Variants in CACNA1C observed in about 807,000 individuals in gnomAD.
CACNA1C encodes voltage-dependent L-type calcium channel subunit alpha-1C.
Under a neutral mutation model 229.0 loss-of-function variants are expected in CACNA1C, and 30 were observed. That is an observed-to-expected ratio of 0.13 (90% CI 0.10 to 0.18). The LOEUF (loss-of-function observed/expected upper bound fraction) is 0.18. Among genes scored for constraint, CACNA1C ranks in the 10% least tolerant of loss-of-function variants. CACNA1C has a pLI of 1.00. For missense variants in CACNA1C, 1,658 were observed against 2,845.0 expected (o/e 0.58, Z 9.49); for synonymous variants, 1,114 against 1,132.5 (o/e 0.98, Z 0.33).
intron 1 of CACNA1C, among the ~76,000 whole-genome samples, chr12:1,983,032 A>T (rs1593048554): frequency 6.6e-6 from 1 of 151,736 alleles, no homozygotes; most frequent in East Asian, 1.9e-4. Flanking sequence ...AGTCCATTTC[A>T]TCTAAGTTGC....
chr12:2,147,835 C>T (rs2094864415), intron 3 of CACNA1C, among the ~76,000 whole-genome samples: 1 of 150,978 alleles, frequency 6.6e-6, no homozygotes, highest in Non-Finnish European at 1.5e-5. Flanking sequence ...AAAAACCCAC[C>T]TCTTCACACT....
intron 14 of CACNA1C, among the ~76,000 whole-genome samples, chr12:2,582,132 C>T (rs913142110): frequency 5.3e-5 from 8 of 150,022 alleles, no homozygotes; most frequent in Non-Finnish European, 8.8e-5. Context: ...AGCAAGACTC[C>T]GTCTCAAATA....
At chr12:2,055,645 G>C (rs1272504197) in intron 1 of CACNA1C, among the ~76,000 whole-genome samples, 1 of 152,204 alleles carries the variant, frequency 6.6e-6, no homozygotes. Context: ...GAGCAAGGGA[G>C]CCAGCGGCTG....
At chr12:2,433,739 G>A (rs1386873002) in intron 3 of CACNA1C, among the ~76,000 whole-genome samples, 3 of 152,056 alleles carry the variant, frequency 2.0e-5, no homozygotes, top group Admixed American at 6.6e-5. Context: ...CCTCCGTCTC[G>A]TTCCCACTGC....
At chr12:2,544,378 C>A (rs1239680772) in intron 9 of CACNA1C, among the ~76,000 whole-genome samples, 1 of 152,172 alleles carries the variant, frequency 6.6e-6, no homozygotes, top group Non-Finnish European at 1.5e-5. Flanking sequence ...ATTTGGGTTG[C>A]CCCTCCCCTC....
intron 26 of CACNA1C, 158 bp downstream of exon 26, chr12:2,607,288 A>T: frequency 1.5e-6 from 1 of 681,572 alleles, no homozygotes; most frequent in Non-Finnish European, 2.4e-6. Flanking sequence ...TAGAACTTAC[A>T]GTCCACTGTC....
At position 2,275,394 on chromosome 12, in the gene CACNA1C, G is replaced by A. The variant is rs532308770; in HGVS notation, c.477+154964G>A. Among the ~76,000 whole-genome samples, 1 of 152,236 alleles carries A rather than the reference G, an allele frequency of 6.6e-6. No homozygotes were observed. The highest frequency in any genetic ancestry group is 1.9e-4 in the East Asian group (1 of 5,166). On this transcript the variant is annotated intron_variant, in intron 3 of 46. Coordinates refer to ENST00000399655, the MANE Select transcript of CACNA1C (RefSeq NM_000719.7). The surrounding 1 kb of genome is among the most constrained non-coding windows in gnomAD (Gnocchi z 4.1). ...TCCTGCTGGCTGTGTCTTCCCGGAA[G>A]GCTCGTGCCCGCACAGATTGTCTGG...
At chr12:2,191,650 A>G (rs1022418727) in intron 3 of CACNA1C, among the ~76,000 whole-genome samples, 2 of 145,240 alleles carry the variant, frequency 1.4e-5, no homozygotes, top group African/African-American at 5.7e-5. Flanking sequence ...GTAAACAGGC[A>G]CACACACGCA....
chr12:2,221,323 G>T (rs561916660), intron 3 of CACNA1C, among the ~76,000 whole-genome samples: 7 of 152,312 alleles, frequency 4.6e-5, no homozygotes, highest in African/African-American at 1.7e-4. Flanking sequence ...AGAAAAGGGA[G>T]TTGGGAGGGA....
rs2072318053 is a variant in CACNA1C at position 2,601,601 on chromosome 12, A to G, written c.2854-253A>G. ...TTGAAAGGGCTTTGAATGGAGGACT[A>G]AAGAGCCTGGCTTGGCCTGGCAGGT... On this transcript the variant is annotated intron_variant, in intron 21 of 46. Transcript: ENST00000399655. This position sits in a 1 kb window ranked among gnomAD's most constrained non-coding sequence, Gnocchi z 5.9. 6.6e-6 allele frequency among the ~76,000 whole-genome samples: 1 copy of G among 152,192 alleles called. No individual in the cohort carries two copies. Among genetic ancestry groups the G allele is most frequent in the African/African-American group, 2.4e-5 (1 of 41,454 alleles).
intron 3 of CACNA1C, among the ~76,000 whole-genome samples, chr12:2,314,017 G>A (rs369741814): frequency 3.9e-5 from 6 of 152,262 alleles, no homozygotes; most frequent in East Asian, 1.9e-4. Context: ...CAGGGCACAC[G>A]GCCTTTCCAG....
At chr12:2,191,449 G>A (rs139199318) in intron 3 of CACNA1C, among the ~76,000 whole-genome samples, 59 of 152,168 alleles carry the variant, frequency 3.9e-4, no homozygotes, top group African/African-American at 1.4e-3. Context: ...ACGTTCTCTG[G>A]CTGTGACTTT....
chr12:2,264,394 T>C (rs2081502168), intron 3 of CACNA1C, among the ~76,000 whole-genome samples: 1 of 152,208 alleles, frequency 6.6e-6, no homozygotes, highest in Admixed American at 6.5e-5. Context: ...CTGCAGAATG[T>C]CTGCACTGAC....
chr12:2,605,288 T>A lies in CACNA1C; in HGVS notation c.3048+120T>A. 1.5e-6 allele frequency: 1 copy of A among 679,320 alleles called. No homozygotes were observed. The highest frequency in any genetic ancestry group is 2.7e-5 in the East Asian group (1 of 37,294). 42.1% of individuals were successfully genotyped at this position (679,320 alleles called of 1,614,324 possible). On this transcript the variant is annotated intron_variant, in intron 23 of 46. Transcript: ENST00000399655. The surrounding 1 kb of genome is among the most constrained non-coding windows in gnomAD (Gnocchi z 6.2). The stretch of plus-strand genomic sequence containing the variant: ...CAGACCAAGTGGCTGCCATGTGGGG[T>A]CCCGGACACTGGTCCCACTGCATGT...
At chr12:2,292,712 G>T (rs1052524666) in intron 3 of CACNA1C, among the ~76,000 whole-genome samples, 6 of 152,218 alleles carry the variant, frequency 3.9e-5, no homozygotes, top group African/African-American at 1.4e-4. Flanking sequence ...TCTAAGGAAA[G>T]CTGCCAGCTT....
At chr12:2,589,233 G>A (rs2063981638) in intron 18 of CACNA1C, among the ~76,000 whole-genome samples, 1 of 152,166 alleles carries the variant, frequency 6.6e-6, no homozygotes, top group South Asian at 2.1e-4. Context: ...CATATCAGTG[G>A]GGAGACAGGC....
At chr12:2,443,277 TC>T (rs2099246341) in intron 3 of CACNA1C, among the ~76,000 whole-genome samples, 1 of 152,036 alleles carries the variant, frequency 6.6e-6, no homozygotes. Context: ...AAGAAAGGGG[TC>T]ACAGTCCCCA....
chr12:2,004,359 C>T, intron 1 of CACNA1C: 1 of 1,613,246 alleles, frequency 6.2e-7, no homozygotes, highest in Non-Finnish European at 8.5e-7. Context: ...ATATAGGGGT[C>T]GTGGCGCTGC....
intron 3 of CACNA1C, among the ~76,000 whole-genome samples, chr12:2,161,551 C>T (rs1373325177): frequency 6.6e-6 from 1 of 152,168 alleles, no homozygotes; most frequent in African/African-American, 2.4e-5. Flanking sequence ...ATAAATGCTT[C>T]GGCAAGGCAA....
Sources: gnomAD v4.1 joint callset for allele counts (sites outside exome capture counted in the v4.1 genomes callset) on GRCh38, gnomAD v4.1.1 for gene constraint, Gnocchi (gnomAD v3.1) non-coding constraint, MANE v1.5 for transcripts, NCBI Gene and HGNC (gene_info 2026-07-23, HGNC 2026-07-21) for gene names.